SPAG1: variants seen among roughly 807,000 people sequenced by gnomAD.
SPAG1 encodes the protein sperm associated antigen 1, also known as sperm-associated antigen 1.
In SPAG1, 69 loss-of-function variants were observed where a neutral mutation model predicts 100.5. The observed-to-expected ratio is 0.69, with a 90% CI of 0.57 to 0.84. The LOEUF (loss-of-function observed/expected upper bound fraction) is 0.84, where lower values mean the gene tolerates loss of function less well. SPAG1 is among the 40% of genes least tolerant of loss of function. The pLI is 0.00. For synonymous variants in SPAG1, 336 were observed against 411.6 expected, an observed-to-expected ratio of 0.82 and a Z score of 2.22; for missense variants, 955 against 1,133.1, an observed-to-expected ratio of 0.84 and a Z score of 2.26.
At chr8:100,219,579 G>A (rs572979418) in intron 12 of SPAG1, among the ~76,000 whole-genome samples, 116 of 152,280 alleles carry the variant, frequency 7.6e-4, no homozygotes, top group Admixed American at 4.6e-3. Context: ...ATTGTAAATC[G>A]AGGATTATAT....
In SPAG1 at chr8:100,184,658, C is replaced by T. The variant is rs758658376; in HGVS notation, c.626C>T (p.Ala209Val). The T allele has an allele frequency of 2.5e-6, 4 of 1,580,998 alleles. No individual in the cohort carries two copies. The highest frequency in any genetic ancestry group is 1.4e-5 in the African/African-American group (1 of 72,424). ...ACTGAGAAAGAAAAGGATTTTCTTG[C>T]CACTCGTGAAAAGGAGAAAGGAAAT... Reference protein sequence around the residue: ...GLTEKEKDFLATREKEKGNEA... With the variant: ...GLTEKEKDFLVTREKEKGNEA... Residue 209 changes from alanine (A) to valine (V), a missense_variant, in exon 7 of 19, where the codon GCC becomes GTC. By Grantham distance (64) the Ala-to-Val change is moderately conservative. Coordinates refer to ENST00000388798, the MANE Select transcript of SPAG1 (RefSeq NM_003114.5).
chr8:100,209,945 TAGAG>T (rs1817654083), intron 10 of SPAG1, among the ~76,000 whole-genome samples: 1 of 152,022 alleles, frequency 6.6e-6, no homozygotes, highest in African/African-American at 2.4e-5. Flanking sequence ...TAATTATGAA[TAGAG>T]ATACTTTTAC....
In SPAG1 at chr8:100,183,952, T is replaced by C. The variant is rs533806009; in HGVS notation, c.489-4T>C. On this transcript the variant is annotated splice_polypyrimidine_tract_variant and splice_region_variant and intron_variant, in intron 5 of 18. Transcript: ENST00000388798. ...TTTTGGTTTTTATTGTTCTTTCATT[T>C]AAGATTTGACGTGGAGAAGGAATGT... 1 of 1,452,708 alleles carries C rather than the reference T, an allele frequency of 6.9e-7. No individual in the cohort carries two copies. The highest frequency in any genetic ancestry group is 2.5e-5 in the East Asian group (1 of 40,766). The allele number at this position is 1,452,708 out of a possible 1,614,324, so 90.0% of individuals were successfully genotyped here. A position where few individuals can be genotyped will look rare whatever the true frequency, so the allele number is the denominator to read the frequency against.
At chr8:100,176,404 C>T (rs1816118821) in intron 3 of SPAG1, among the ~76,000 whole-genome samples, 2 of 148,580 alleles carry the variant, frequency 1.3e-5, no homozygotes, top group South Asian at 2.1e-4. Flanking sequence ...CTTGCTCTGT[C>T]GCCCAGGCTG....
intron 3 of SPAG1, among the ~76,000 whole-genome samples, chr8:100,170,650 T>G (rs1435020792): frequency 6.6e-6 from 1 of 152,148 alleles, no homozygotes; most frequent in Non-Finnish European, 1.5e-5. Context: ...TGTATTTATC[T>G]AATTGCTTTT....
At position 100,217,101 on chromosome 8, in the gene SPAG1, TA is replaced by T. The variant is rs551768126; in HGVS notation, c.1536-3176del. On this transcript the variant is annotated intron_variant, in intron 12 of 18. Transcript: ENST00000388798. ...ACAGGCACTCACCACCGCACCTGGCTAATTTTTCATATTTTTTGTAGAGAAG... is the reference window on the plus strand; with the variant it reads ...ACAGGCACTCACCACCGCACCTGGCTATTTTTCATATTTTTTGTAGAGAAG... Among the ~76,000 whole-genome samples the T allele has an allele frequency of 7.9e-5, 12 of 152,100 alleles. No individual in the cohort carries two copies. In the South Asian group the frequency reaches 2.1e-3, roughly 26 times the overall value.
intron 2 of SPAG1, 81 bp from the exon 3 acceptor site, chr8:100,165,733 A>G (rs1192888645): frequency 8.4e-7 from 1 of 1,196,948 alleles, no homozygotes. Context: ...TCAGGGTTCC[A>G]TGGAACCCAG....
Position 100,182,750 on chromosome 8 carries a change from G to T in SPAG1, c.427-625G>T, listed in dbSNP as rs529026645. ...TTTGAAAAGAATGAATCAGAATTTAGTACTTTTTTATTATAAGAAAATCAG... is the reference window on the plus strand; with the variant it reads ...TTTGAAAAGAATGAATCAGAATTTATTACTTTTTTATTATAAGAAAATCAG... On this transcript the variant is annotated intron_variant, in intron 4 of 18. Transcript: ENST00000388798. Among the ~76,000 whole-genome samples, 27 of 152,084 alleles carry T rather than the reference G, an allele frequency of 1.8e-4. No homozygotes were observed. The South Asian group carries it at 5.2e-3, about 29-fold the overall frequency.
chr8:100,188,360 G>A (rs1202021774), intron 8 of SPAG1, among the ~76,000 whole-genome samples: 4 of 151,846 alleles, frequency 2.6e-5, no homozygotes, highest in African/African-American at 9.7e-5. Context: ...TCACTGTGTC[G>A]CCCAGGCTGG....
At chr8:100,232,700 C>T (rs1818832439) in intron 15 of SPAG1, among the ~76,000 whole-genome samples, 1 of 152,206 alleles carries the variant, frequency 6.6e-6, no homozygotes, top group Non-Finnish European at 1.5e-5. Flanking sequence ...TCTCATTCTC[C>T]AAGCTGTAGC....
intron 5 of SPAG1, 106 bp from the exon 6 acceptor site, chr8:100,183,850 A>C: frequency 1.8e-6 from 1 of 564,112 alleles, no homozygotes; most frequent in Non-Finnish European, 3.1e-6. Context: ...CATATTTTTG[A>C]ATATGTATCC....
chr8:100,202,597 CTA>C, intron 10 of SPAG1, among the ~76,000 whole-genome samples: 2 of 149,322 alleles, frequency 1.3e-5, no homozygotes. Flanking sequence ...GTAGTCCCAG[CTA>C]CTCGGGAGGC....
intron 3 of SPAG1, among the ~76,000 whole-genome samples, chr8:100,170,971 C>T (rs764886581): frequency 1.1e-4 from 17 of 151,990 alleles, no homozygotes; most frequent in Non-Finnish European, 1.8e-4. Flanking sequence ...TGAAATATAA[C>T]GTTAGCTTTA....
intron 10 of SPAG1, among the ~76,000 whole-genome samples, chr8:100,209,726 G>C (rs1243781804): frequency 6.6e-6 from 1 of 151,912 alleles, no homozygotes; most frequent in Non-Finnish European, 1.5e-5. Flanking sequence ...TTTATTCCTA[G>C]GTATTTTATT....
At chr8:100,235,367 G>A (rs142605867) in intron 16 of SPAG1, among the ~76,000 whole-genome samples, 6 of 152,262 alleles carry the variant, frequency 3.9e-5, no homozygotes, top group African/African-American at 1.4e-4. Context: ...CTGTGGGGAC[G>A]TAGTTCAGCC....
intron 3 of SPAG1, among the ~76,000 whole-genome samples, chr8:100,169,607 G>A (rs909105594): frequency 7.2e-5 from 11 of 152,170 alleles, no homozygotes; most frequent in South Asian, 2.1e-4. Flanking sequence ...GCATGGTTGC[G>A]TGTGCCTATA....
chr8:100,206,329 G>A (rs1026501788), intron 10 of SPAG1, among the ~76,000 whole-genome samples: 7 of 152,198 alleles, frequency 4.6e-5, no homozygotes, highest in Non-Finnish European at 7.3e-5. Context: ...CCGTCAGCTG[G>A]CAAGGTTACC....
intron 4 of SPAG1, among the ~76,000 whole-genome samples, chr8:100,182,426 G>T (rs928124468): frequency 3.3e-5 from 5 of 152,208 alleles, no homozygotes; most frequent in African/African-American, 1.2e-4. Context: ...GGTGGAGAGA[G>T]CTGTGAGGTT....
chr8:100,188,171 A>G (rs1337448833), intron 8 of SPAG1, among the ~76,000 whole-genome samples: 1 of 151,238 alleles, frequency 6.6e-6, no homozygotes. Context: ...TGTTTTTTTG[A>G]GATAGGGTCT....
Sources: gnomAD v4.1 joint callset for allele counts (sites outside exome capture counted in the v4.1 genomes callset) on GRCh38, gnomAD v4.1.1 for gene constraint, MANE v1.5 for transcripts, NCBI Gene and HGNC (gene_info 2026-07-23, HGNC 2026-07-21) for gene names.